The following GET1 variants were observed in gnomAD, a reference collection of about 807,000 sequenced individuals.
The protein encoded by GET1 is congenital heart disease 5 protein.
A neutral mutation model predicts 22.6 loss-of-function variants in GET1; 20 were observed. The observed-to-expected ratio is 0.89, with a 90% CI of 0.62 to 1.29. The LOEUF is 1.29. Ranked by LOEUF, GET1 falls within the 50% of genes most tolerant of loss-of-function variation. The pLI, the probability that GET1 is intolerant of heterozygous loss-of-function variation, is 0.00. For missense variants in GET1, 209 were observed against 219.9 expected, an observed-to-expected ratio of 0.95 and a Z score of 0.31; for synonymous variants, 92 against 83.8, an observed-to-expected ratio of 1.10 and a Z score of -0.53.
At chr21:39,385,964 C>T (rs1480532795) in intron 1 of GET1, 1 of 152,330 alleles carries the variant, frequency 6.6e-6, no homozygotes, top group African/African-American at 2.4e-5. Flanking sequence ...GCTGCACGCA[C>T]TGCGCAGGCG....
chr21:39,380,426 G>C lies in GET1; in HGVS notation c.42G>C (p.Val14=), dbSNP rs780696999. ...AAADHWAWLL[V]LSFVFGCNVL... ...CCGACCACTGGGCGTGGTTGCTGGTGCTCAGCTTCGTGTTTGGATGCAATG... is the reference window on the plus strand; with the variant it reads ...CCGACCACTGGGCGTGGTTGCTGGTCCTCAGCTTCGTGTTTGGATGCAATG... Residue 14 remains valine, a synonymous_variant, in exon 1 of 5, where the codon GTG becomes GTC. Coordinates refer to ENST00000649170, the MANE Select transcript of GET1 (RefSeq NM_004627.6). The C allele has an allele frequency of 6.2e-7, 1 of 1,612,860 alleles. No individual in the cohort carries two copies. The highest frequency in any genetic ancestry group is 1.3e-5 in the African/African-American group (1 of 75,054).
downstream of GET1, chr21:39,410,116 C>CA (rs1382130002): frequency 6.5e-7 from 1 of 1,528,134 alleles, no homozygotes; most frequent in Admixed American, 1.7e-5. Context: ...AGAAAAGCAG[C>CA]AAAAACACAT....
At position 39,396,982 on chromosome 21, in the gene GET1, C is replaced by T. The variant is rs549477891; in HGVS notation, c.*43C>T. On this transcript the variant is annotated 3_prime_UTR_variant, in exon 5 of 5. Coordinates refer to ENST00000649170, the MANE Select transcript of GET1 (RefSeq NM_004627.6). The stretch of plus-strand genomic sequence containing the variant: ...GCCGCGAGGCTAAAAAACGGATTTC[C>T]TCTTCCTAGCTTAAAATCTGATTTA... 380 of 1,595,330 alleles carry T rather than the reference C, an allele frequency of 2.4e-4. 3 individuals are homozygous for T. The South Asian group carries it at 3.8e-3, about 16-fold the overall frequency.
At chr21:39,407,750 A>C (rs963808093), downstream of GET1, 2 of 152,228 alleles carry the variant, frequency 1.3e-5, no homozygotes, top group Non-Finnish European at 2.9e-5. Context: ...CACATAGTGC[A>C]TGCTCAGAAA....
chr21:39,383,483 T>C (rs945185214), intron 1 of GET1, among the ~76,000 whole-genome samples: 2 of 150,906 alleles, frequency 1.3e-5, no homozygotes, highest in African/African-American at 2.4e-5. Flanking sequence ...GGTTTCACCA[T>C]GTTGGCCAGG....
intron 1 of GET1, chr21:39,411,709 A>G: frequency 7.4e-7 from 1 of 1,360,400 alleles, no homozygotes; most frequent in South Asian, 1.5e-5. Flanking sequence ...AAAAGTAATT[A>G]AAACATACCT....
intron 1 of GET1, chr21:39,380,703 A>C (rs2037501531): frequency 7.3e-7 from 1 of 1,364,382 alleles, no homozygotes; most frequent in Non-Finnish European, 9.5e-7. Context: ...TGGGAGAAAC[A>C]CCGGGCAACC....
chr21:39,409,147 C>T (rs2039626816), downstream of GET1, among the ~76,000 whole-genome samples: 1 of 152,072 alleles, frequency 6.6e-6, no homozygotes, highest in South Asian at 2.1e-4. This position sits in a 1 kb window ranked among gnomAD's most constrained non-coding sequence, Gnocchi z 4.2. Flanking sequence ...AAAAGAAACA[C>T]TGGAGCACTG....
intron 1 of GET1, among the ~76,000 whole-genome samples, chr21:39,418,872 A>C (rs2041777623): frequency 6.6e-6 from 1 of 152,154 alleles, no homozygotes; most frequent in Non-Finnish European, 1.5e-5. Flanking sequence ...AATTTATTTT[A>C]AAATTCCCCA....
intron 2 of GET1, 122 bp from the exon 3 acceptor site, chr21:39,391,647 G>C (rs778653904): frequency 1.1e-6 from 1 of 895,096 alleles, no homozygotes; most frequent in Non-Finnish European, 1.7e-6. Context: ...TAAATATGTT[G>C]AGCGATTGTT....
intron 1 of GET1, among the ~76,000 whole-genome samples, chr21:39,415,608 C>T (rs2040992236): frequency 6.6e-6 from 1 of 152,170 alleles, no homozygotes; most frequent in African/African-American, 2.4e-5. Context: ...TCAATAATTC[C>T]TTCACATAAT....
intron 1 of GET1, among the ~76,000 whole-genome samples, chr21:39,388,549 A>C (rs565255258): frequency 6.6e-6 from 1 of 152,188 alleles, no homozygotes; most frequent in Non-Finnish European, 1.5e-5. Context: ...AGGGACGCCT[A>C]CTGGCATGTC....
intron 1 of GET1, chr21:39,420,929 A>G: frequency 2.0e-6 from 2 of 1,000,136 alleles, no homozygotes; most frequent in East Asian, 2.5e-5. Flanking sequence ...TACATTTATG[A>G]AAAGTGCACA....
chr21:39,380,426 G>A lies in GET1; in HGVS notation c.42G>A (p.Val14=), dbSNP rs780696999. 5.0e-6 allele frequency: 8 copies of A among 1,612,860 alleles called. No homozygotes were observed. The South Asian group carries it at 6.6e-5, about 13-fold the overall frequency. ...CCGACCACTGGGCGTGGTTGCTGGTGCTCAGCTTCGTGTTTGGATGCAATG... is the reference window on the plus strand; with the variant it reads ...CCGACCACTGGGCGTGGTTGCTGGTACTCAGCTTCGTGTTTGGATGCAATG... ...AAADHWAWLL[V]LSFVFGCNVL... The change falls in exon 1 of 5, where the codon GTG becomes GTA. Residue 14 remains valine (V), a synonymous_variant. Coordinates refer to ENST00000649170, the MANE Select transcript of GET1 (RefSeq NM_004627.6).
chr21:39,388,592 C>G (rs1417469229), intron 1 of GET1, among the ~76,000 whole-genome samples: 1 of 152,182 alleles, frequency 6.6e-6, no homozygotes, highest in Non-Finnish European at 1.5e-5. Context: ...AGAGGCAGTG[C>G]TGTGTTCTCA....
At chr21:39,392,776 G>C (rs1169646511) in intron 3 of GET1, 1 of 186,640 alleles carries the variant, frequency 5.4e-6, no homozygotes, top group African/African-American at 2.3e-5. Flanking sequence ...ATACAGTCTG[G>C]CTACTCAAAC....
At chr21:39,411,009 C>T, downstream of GET1, 1 of 452,866 alleles carries the variant, frequency 2.2e-6, no homozygotes, top group Non-Finnish European at 4.5e-6. Context: ...AGTGCACGTG[C>T]TCTTGAAGAA....
At chr21:39,406,291 T>C (rs1431867353) in exon 5 of GET1, 3 of 1,614,126 alleles carry the variant, frequency 1.9e-6, no homozygotes, top group Non-Finnish European at 2.5e-6. Flanking sequence ...AGGAAGCCCA[T>C]GATGCAGGTT....
downstream of GET1, among the ~76,000 whole-genome samples, chr21:39,398,043 A>G (rs2038741819): frequency 6.6e-6 from 1 of 152,168 alleles, no homozygotes; most frequent in African/African-American, 2.4e-5. Context: ...TTTGGGTTCC[A>G]CTTACTCAAA....
Sources: allele counts gnomAD v4.1 joint callset (sites outside exome capture counted in the v4.1 genomes callset), GRCh38; gene constraint gnomAD v4.1.1; non-coding constraint Gnocchi (gnomAD v3.1); transcripts MANE v1.5; gene names NCBI Gene and HGNC (gene_info 2026-07-23, HGNC 2026-07-21).